Variants in STAG2 observed in about 807,000 individuals in gnomAD.
STAG2 encodes the protein STAG2 cohesin complex component.
A neutral mutation model predicts 108.1 loss-of-function variants in STAG2; 14 were observed. The observed-to-expected ratio is 0.13, with a 90% CI of 0.09 to 0.20. The LOEUF (loss-of-function observed/expected upper bound fraction) is 0.20, where lower values mean the gene tolerates loss of function less well. Among genes scored for constraint, STAG2 ranks in the 10% least tolerant of loss-of-function variants. The probability of loss-of-function intolerance (pLI) is 1.00; values close to 1 mark genes in which losing one functional copy is unlikely to be tolerated. For missense variants in STAG2, 440 were observed against 940.9 expected, an observed-to-expected ratio of 0.47 and a Z score of 6.96; for synonymous variants, 307 against 302.7, an observed-to-expected ratio of 1.01 and a Z score of -0.15.
chrX:123,978,927 T>C (rs1428861432), intron 1 of STAG2, among the ~76,000 whole-genome samples: 2 of 111,819 alleles, frequency 1.8e-5, no homozygotes, highest in South Asian at 7.4e-4. Context: ...TGCCAGATAA[T>C]AGGCTGAGGG....
intron 13 of STAG2, among the ~76,000 whole-genome samples, chrX:124,054,603 T>C (rs755360675): frequency 2.6e-4 from 29 of 112,321 alleles, no homozygotes; most frequent in African/African-American, 9.0e-4. Context: ...AAACATCTTC[T>C]TTCTGATATT....
At position 124,067,455 on chromosome X, in the gene STAG2, A is replaced by G. The variant is rs1354359872; in HGVS notation, c.2265+1019A>G. ...ACTAACTTTTGCATTTTTAGTAGAC[A>G]TGGAGTTTCACCATGTTGACCAGGC... On this transcript the variant is annotated intron_variant, in intron 23 of 34. Transcript: ENST00000371145. Among the ~76,000 whole-genome samples, 3 of 110,265 alleles carry G rather than the reference A, an allele frequency of 2.7e-5. No individual in the cohort carries two copies. In the Admixed American group the frequency reaches 2.9e-4, roughly 11 times the overall value.
intron 4 of STAG2, among the ~76,000 whole-genome samples, chrX:124,027,847 G>T (rs2148033441): frequency 9.0e-6 from 1 of 110,979 alleles, no homozygotes; most frequent in South Asian, 3.8e-4. Context: ...TTATGTAGAA[G>T]TTTTTTTTCT....
intron 1 of STAG2, among the ~76,000 whole-genome samples, chrX:124,014,416 A>C (rs746434758): frequency 9.1e-6 from 1 of 110,132 alleles, no homozygotes; most frequent in Non-Finnish European, 1.9e-5. Context: ...GCTGGAGTGC[A>C]GTGGCACGAT....
intron 25 of STAG2, among the ~76,000 whole-genome samples, chrX:124,073,862 A>T (rs2058734751): frequency 8.9e-6 from 1 of 112,070 alleles, no homozygotes; most frequent in Non-Finnish European, 1.9e-5. Flanking sequence ...ATAAAAGCAC[A>T]GTTACAAAAG....
At chrX:124,002,993 A>G (rs1283210822) in intron 1 of STAG2, among the ~76,000 whole-genome samples, 1 of 101,360 alleles carries the variant, frequency 9.9e-6, no homozygotes, top group Non-Finnish European at 2.0e-5. Context: ...TTTGAGGTGG[A>G]GTCTTGTTCT....
intron 1 of STAG2, among the ~76,000 whole-genome samples, chrX:124,015,815 T>G: frequency 8.9e-6 from 1 of 112,297 alleles, no homozygotes; most frequent in Non-Finnish European, 1.9e-5. Context: ...GATAGTAACT[T>G]TCCTGTTTGG....
chrX:124,093,603 T>C (rs1369402171), intron 32 of STAG2, among the ~76,000 whole-genome samples: 1 of 109,508 alleles, frequency 9.1e-6, no homozygotes, highest in Non-Finnish European at 1.9e-5. Flanking sequence ...TGATGATGGG[T>C]AAAATTAGCA....
intron 20 of STAG2, among the ~76,000 whole-genome samples, chrX:124,065,510 A>G (rs1183715723): frequency 1.8e-5 from 2 of 111,299 alleles, no homozygotes; most frequent in South Asian, 3.7e-4. Flanking sequence ...TGTTTAAGGT[A>G]CTTAGATTTT....
At chrX:124,085,773 C>CAAAAAAA (rs35882500) in intron 29 of STAG2, among the ~76,000 whole-genome samples, 2 of 42,143 alleles carry the variant, frequency 4.7e-5, no homozygotes, top group African/African-American at 1.7e-4. Context: ...GACTGTGTCT[C>CAAAAAAA]AAAAAAAAAA....
intron 1 of STAG2, among the ~76,000 whole-genome samples, chrX:124,015,444 G>A (rs2147949143): frequency 9.4e-6 from 1 of 106,821 alleles, no homozygotes; most frequent in African/African-American, 3.4e-5. Context: ...GAGTGCAGTG[G>A]CATGATCTTG....
chrX:124,079,441 G>T (rs1603143484), intron 27 of STAG2, among the ~76,000 whole-genome samples: 2 of 110,280 alleles, frequency 1.8e-5, no homozygotes. Context: ...ACCCAGCCAG[G>T]AATGTTCTTA....
chrX:124,063,128 G>A lies in STAG2; in HGVS notation c.1744G>A (p.Ala582Thr). ...PQLLAKYSVD[A>T]EKVTNLLQLP... ...TTATATTTCACAGTACTCTGTAGAT[G>A]CAGAAAAGGTGACTAACTTGTTGCA... The change falls in exon 19 of 35, where the codon GCA (alanine) becomes ACA (threonine). Residue 582 changes from alanine to threonine, a missense_variant. Coordinates refer to ENST00000371145, the MANE Select transcript of STAG2 (RefSeq NM_001042750.2). 2.5e-6 allele frequency: 3 copies of A among 1,204,849 alleles called. No individual in the cohort carries two copies. Among genetic ancestry groups the A allele is most frequent in the African/African-American group, 1.7e-5 (1 of 57,584 alleles).
At chrX:124,069,064 G>T (rs1307956160) in intron 24 of STAG2, among the ~76,000 whole-genome samples, 1 of 111,481 alleles carries the variant, frequency 9.0e-6, no homozygotes, top group African/African-American at 3.3e-5. Flanking sequence ...CGCTCATCCT[G>T]ATCTTCCTGT....
At chrX:124,061,013 A>G (rs2058361598) in intron 15 of STAG2, among the ~76,000 whole-genome samples, 1 of 109,925 alleles carries the variant, frequency 9.1e-6, no homozygotes, top group South Asian at 3.7e-4. Flanking sequence ...TGTTTTAATG[A>G]TAATTGTTAA....
intron 1 of STAG2, among the ~76,000 whole-genome samples, chrX:124,002,787 G>A (rs1279223839): frequency 2.8e-5 from 3 of 107,485 alleles, no homozygotes; most frequent in African/African-American, 1.0e-4. Context: ...ACCACGCTTG[G>A]CAATTTTTCT....
At position 124,060,128 on chromosome X, in the gene STAG2, TTTG is replaced by T. The variant is rs753346170; in HGVS notation, c.1417-1084_1417-1082del. On this transcript the variant is annotated intron_variant, in intron 15 of 34. Transcript: ENST00000371145. ...AGTCGGGAAACAGTAGGGTTTGTTT[TTTG>T]TTGTTGTTGTTTTTTGATACAAAGT... 2.0e-4 allele frequency among the ~76,000 whole-genome samples: 22 copies of T among 111,818 alleles called. No homozygotes were observed. The South Asian group carries it at 2.2e-3, about 11-fold the overall frequency.
chrX:123,976,326 A>C (rs963388121), intron 1 of STAG2, among the ~76,000 whole-genome samples: 17 of 111,964 alleles, frequency 1.5e-4, no homozygotes, highest in Non-Finnish European at 3.2e-4. Flanking sequence ...AAGATTTGTA[A>C]CTGGAGGCAA....
chrX:124,039,832 C>G (rs2057650981), intron 6 of STAG2, among the ~76,000 whole-genome samples: 1 of 109,048 alleles, frequency 9.2e-6, no homozygotes, highest in Non-Finnish European at 1.9e-5. Context: ...TTTTTTAAAA[C>G]AAGGCCGCAG....
Sources: allele counts gnomAD v4.1 joint callset (sites outside exome capture counted in the v4.1 genomes callset), GRCh38; gene constraint gnomAD v4.1.1; transcripts MANE v1.5; gene names NCBI Gene and HGNC (gene_info 2026-07-23, HGNC 2026-07-21).